The following ZCCHC17 variants were observed in gnomAD, a reference collection of about 807,000 sequenced individuals.
ZCCHC17 encodes the protein zinc finger CCHC domain-containing protein 17.
Under a neutral mutation model 30.6 loss-of-function variants are expected in ZCCHC17, and 18 were observed. The observed-to-expected ratio is 0.59, with a 90% CI of 0.41 to 0.87. The LOEUF is 0.87. Among genes scored for constraint, ZCCHC17 ranks in the 40% least tolerant of loss-of-function variants. The probability of loss-of-function intolerance (pLI) is 0.00; values close to 1 mark genes in which losing one functional copy is unlikely to be tolerated. For missense variants in ZCCHC17, 263 were observed against 284.2 expected, an observed-to-expected ratio of 0.93 and a Z score of 0.54; for synonymous variants, 88 against 92.4, an observed-to-expected ratio of 0.95 and a Z score of 0.27.
At chr1:31,337,004 G>A in intron 3 of ZCCHC17, 171 bp from the exon 4 acceptor site, 1 of 540,520 alleles carries the variant, frequency 1.9e-6, no homozygotes, top group Non-Finnish European at 3.3e-6. Flanking sequence ...AATGTTTGTT[G>A]GTTGATTGGG....
At chr1:31,360,164 C>T (rs1339558901) in intron 7 of ZCCHC17, among the ~76,000 whole-genome samples, 4 of 138,704 alleles carry the variant, frequency 2.9e-5, no homozygotes, top group Admixed American at 7.2e-5. Flanking sequence ...TTTGTGTGTG[C>T]GTGTTTTGTT....
At chr1:31,316,791 T>C (rs548350029) in intron 2 of ZCCHC17, among the ~76,000 whole-genome samples, 1 of 152,300 alleles carries the variant, frequency 6.6e-6, no homozygotes, top group East Asian at 1.9e-4. Flanking sequence ...CAGCATAACA[T>C]GTTCATTAGT....
intron 3 of ZCCHC17, among the ~76,000 whole-genome samples, chr1:31,324,195 A>G (rs765851233): frequency 1.1e-4 from 16 of 152,260 alleles, no homozygotes; most frequent in Non-Finnish European, 1.6e-4. Flanking sequence ...GACATGAGCC[A>G]GGAGTGGTGG....
intron 3 of ZCCHC17, among the ~76,000 whole-genome samples, chr1:31,334,333 CTCTCTGTGTGTGTGTGTGTGTG>C (rs1479028531): frequency 3.0e-3 from 185 of 60,958 alleles, no homozygotes; most frequent in African/African-American, 0.011. Context: ...CTCTCTCTCT[CTCTCTGTGTGTGTGTGTGTGTG>C]TGTGTGTGTG....
chr1:31,327,351 C>T (rs559014055), intron 3 of ZCCHC17, among the ~76,000 whole-genome samples: 1 of 152,342 alleles, frequency 6.6e-6, no homozygotes, highest in African/African-American at 2.4e-5. Context: ...ACAGGGGTTC[C>T]ATGACCACCT....
rs533951172 is a variant in ZCCHC17 at position 31,338,001 on chromosome 1, T to C, written c.225+726T>C. Among the ~76,000 whole-genome samples the C allele has an allele frequency of 4.6e-5, 7 of 152,208 alleles. No homozygotes were observed. The East Asian group carries it at 1.3e-3, about 29-fold the overall frequency. Reference sequence around the variant, plus strand: ...TCTTTCTTTTTTGAGACAGGGTCTCTCTTTGTCACCCAGGCTGGAGTACAG... The same window carrying C: ...TCTTTCTTTTTTGAGACAGGGTCTCCCTTTGTCACCCAGGCTGGAGTACAG... On this transcript the variant is annotated intron_variant, in intron 4 of 7. Coordinates refer to ENST00000344147, the MANE Select transcript of ZCCHC17 (RefSeq NM_016505.4).
intron 7 of ZCCHC17, among the ~76,000 whole-genome samples, chr1:31,349,272 A>G (rs998626760): frequency 2.6e-5 from 4 of 152,206 alleles, no homozygotes; most frequent in African/African-American, 9.7e-5. Context: ...AAATACTGAA[A>G]AACATAATGA....
intron 1 of ZCCHC17, among the ~76,000 whole-genome samples, chr1:31,308,467 C>G (rs1180003748): frequency 2.6e-5 from 4 of 152,140 alleles, no homozygotes; most frequent in African/African-American, 7.2e-5. Context: ...TCAAGTCATC[C>G]TCTGAAAGTG....
At chr1:31,336,354 A>G (rs930729317) in intron 3 of ZCCHC17, among the ~76,000 whole-genome samples, 2 of 152,182 alleles carry the variant, frequency 1.3e-5, no homozygotes, top group African/African-American at 2.4e-5. Flanking sequence ...AAAAAATTCT[A>G]TTGATGATAT....
At chr1:31,329,868 T>C (rs1465181011) in intron 3 of ZCCHC17, among the ~76,000 whole-genome samples, 1 of 152,228 alleles carries the variant, frequency 6.6e-6, no homozygotes, top group East Asian at 1.9e-4. Flanking sequence ...GTCTTGAGTT[T>C]TTTTGACTGG....
chr1:31,299,770 C>G (rs1646263613), intron 1 of ZCCHC17, among the ~76,000 whole-genome samples: 1 of 152,146 alleles, frequency 6.6e-6, no homozygotes, highest in African/African-American at 2.4e-5. Flanking sequence ...GCAACTGTCC[C>G]TGACCAGGTT....
At chr1:31,298,504 G>A (rs568739223) in intron 1 of ZCCHC17, among the ~76,000 whole-genome samples, 1 of 151,672 alleles carries the variant, frequency 6.6e-6, no homozygotes, top group East Asian at 2.0e-4. Context: ...TCCTGCCTTA[G>A]CCTCCCCAGT....
intron 5 of ZCCHC17, among the ~76,000 whole-genome samples, chr1:31,340,694 C>G (rs914290094): frequency 1.8e-4 from 28 of 152,138 alleles, no homozygotes; most frequent in African/African-American, 6.5e-4. Flanking sequence ...GTTAACCATG[C>G]TGTTATTTTG....
At chr1:31,299,103 A>G (rs957756210) in intron 1 of ZCCHC17, among the ~76,000 whole-genome samples, 5 of 152,234 alleles carry the variant, frequency 3.3e-5, no homozygotes, top group African/African-American at 1.2e-4. Flanking sequence ...GCCAGATATG[A>G]GGCAAGGATT....
At chr1:31,308,482 GA>G (rs1405936889) in intron 1 of ZCCHC17, among the ~76,000 whole-genome samples, 1 of 152,224 alleles carries the variant, frequency 6.6e-6, no homozygotes, top group Non-Finnish European at 1.5e-5. Context: ...AAAGTGAAAG[GA>G]AGCAGTGGGG....
At chr1:31,334,335 CTCTGTG>C (rs1366936587) in intron 3 of ZCCHC17, among the ~76,000 whole-genome samples, 5 of 56,762 alleles carry the variant, frequency 8.8e-5, no homozygotes, top group East Asian at 1.6e-3. Flanking sequence ...CTCTCTCTCT[CTCTGTG>C]TGTGTGTGTG....
At chr1:31,333,623 A>G (rs971419393) in intron 3 of ZCCHC17, among the ~76,000 whole-genome samples, 7 of 152,230 alleles carry the variant, frequency 4.6e-5, no homozygotes, top group Non-Finnish European at 8.8e-5. Context: ...ACCCATGGAA[A>G]TTCAGTTGTA....
chr1:31,353,465 A>G (rs990821656), intron 7 of ZCCHC17, among the ~76,000 whole-genome samples: 3 of 152,174 alleles, frequency 2.0e-5, no homozygotes, highest in Non-Finnish European at 4.4e-5. Flanking sequence ...TCATGATAGT[A>G]TTCATTGCAC....
At position 31,363,900 on chromosome 1, in the gene ZCCHC17, C is replaced by T; in HGVS notation, c.565-132C>T. 3 of 1,387,200 alleles carry T rather than the reference C, an allele frequency of 2.2e-6. No homozygotes were observed. The African/African-American group carries it at 4.4e-5, about 20-fold the overall frequency. 85.9% of individuals were successfully genotyped at this position (1,387,200 alleles called of 1,614,324 possible). Reference sequence around the variant, plus strand: ...TTGATCTTGAACTCCTGGCCTCAAGCATTCCTCCCACCTCGGCTTCCCAAA... The same window carrying T: ...TTGATCTTGAACTCCTGGCCTCAAGTATTCCTCCCACCTCGGCTTCCCAAA... On this transcript the variant is annotated intron_variant, in intron 7 of 7. Coordinates refer to ENST00000344147, the MANE Select transcript of ZCCHC17 (RefSeq NM_016505.4).
Sources: gnomAD v4.1 joint callset for allele counts (sites outside exome capture counted in the v4.1 genomes callset) on GRCh38, gnomAD v4.1.1 for gene constraint, MANE v1.5 for transcripts, NCBI Gene and HGNC (gene_info 2026-07-23, HGNC 2026-07-21) for gene names.